KREMEN1: variants seen among roughly 807,000 people sequenced by gnomAD.
KREMEN1 encodes kremen protein 1.
KREMEN1 carries 30 observed loss-of-function variants against 46.5 expected under a neutral mutation model. The ratio of observed to expected loss-of-function variants is 0.65; its 90% CI spans 0.48 to 0.88. KREMEN1 has a LOEUF of 0.88. Among genes scored for constraint, KREMEN1 ranks in the 40% least tolerant of loss-of-function variants. KREMEN1 has a pLI of 0.00. For synonymous variants in KREMEN1, 214 were observed against 230.6 expected, an observed-to-expected ratio of 0.93 and a Z score of 0.65; for missense variants, 533 against 596.9, an observed-to-expected ratio of 0.89 and a Z score of 1.11.
intron 9 of KREMEN1, among the ~76,000 whole-genome samples, chr22:29,158,450 G>A (rs2038983051): frequency 1.3e-5 from 2 of 152,134 alleles, no homozygotes; most frequent in East Asian, 3.8e-4. Context: ...TGGGGCACGG[G>A]GAATTCTAGG....
At chr22:29,141,880 C>G in intron 8 of KREMEN1, 64 bp from the exon 9 acceptor site, 1 of 1,311,882 alleles carries the variant, frequency 7.6e-7, no homozygotes. Flanking sequence ...TACAGTATCT[C>G]GTGAGATGGT....
At chr22:29,165,125 G>A (rs948316479) in intron 9 of KREMEN1, among the ~76,000 whole-genome samples, 10 of 151,396 alleles carry the variant, frequency 6.6e-5, no homozygotes, top group African/African-American at 2.4e-4. Context: ...GTGAGCCGAG[G>A]TTGTGCCATT....
At chr22:29,135,782 T>A (rs559872059) in intron 5 of KREMEN1, among the ~76,000 whole-genome samples, 3 of 152,324 alleles carry the variant, frequency 2.0e-5, no homozygotes, top group African/African-American at 7.2e-5. Context: ...CCTCCTGTGT[T>A]CTCTCAAAGA....
rs558596635 is a variant in KREMEN1 at position 29,105,874 on chromosome 22, A to G, written c.352+6921A>G. Among the ~76,000 whole-genome samples, 100 of 152,238 alleles carry G rather than the reference A, an allele frequency of 6.6e-4. No individual in the cohort carries two copies. The South Asian group carries it at 0.02, about 31-fold the overall frequency. ...AACCTTAGGTCCATCTCAGCTGGTG[A>G]CCTCACCAGCTCAGGTTTCTTTTAA... On this transcript the variant is annotated intron_variant, in intron 3 of 8. Transcript: ENST00000400335.
chr22:29,111,351 G>A (rs1175583435), intron 3 of KREMEN1, among the ~76,000 whole-genome samples: 1 of 149,864 alleles, frequency 6.7e-6, no homozygotes, highest in African/African-American at 2.5e-5. Context: ...GGTGGCTCAC[G>A]CCTGTAATCC....
intron 9 of KREMEN1, among the ~76,000 whole-genome samples, chr22:29,162,868 C>CA (rs1347991829): frequency 2.0e-5 from 3 of 152,120 alleles, no homozygotes; most frequent in Non-Finnish European, 4.4e-5. Flanking sequence ...AGGTGCCCAT[C>CA]AATGGTGGAT....
intron 3 of KREMEN1, among the ~76,000 whole-genome samples, chr22:29,111,383 C>T (rs193207038): frequency 0.01 from 1,539 of 151,076 alleles, 20 homozygotes; most frequent in African/African-American, 0.034. Context: ...GAGGCCGAGG[C>T]GGGCGGATCA....
chr22:29,129,296 G>A (rs1258242367), intron 5 of KREMEN1, among the ~76,000 whole-genome samples: 5 of 150,298 alleles, frequency 3.3e-5, no homozygotes, highest in African/African-American at 4.9e-5. Context: ...GCAGTGAGCC[G>A]AGATCACACC....
rs556926247 is a variant in KREMEN1 at position 29,106,577 on chromosome 22, T to C, written c.352+7624T>C. 2.6e-5 allele frequency among the ~76,000 whole-genome samples: 4 copies of C among 152,248 alleles called. No homozygotes were observed. In the East Asian group the frequency reaches 5.8e-4, roughly 22 times the overall value. On this transcript the variant is annotated intron_variant, in intron 3 of 8. Coordinates refer to ENST00000400335, the MANE Select transcript of KREMEN1 (RefSeq NM_001039570.3). The stretch of plus-strand genomic sequence containing the variant: ...GCCTCCATTTCTCAGATAAGAAAAT[T>C]GAGCCCAGATAGTTAAGTGATTTGA...
chr22:29,130,299 A>T (rs1283531239), intron 5 of KREMEN1, among the ~76,000 whole-genome samples: 1 of 152,286 alleles, frequency 6.6e-6, no homozygotes, highest in East Asian at 1.9e-4. Context: ...TGTGAAAGTG[A>T]TTGGTCTAAG....
At chr22:29,139,044 C>G (rs768955923) in intron 7 of KREMEN1, among the ~76,000 whole-genome samples, 2 of 152,180 alleles carry the variant, frequency 1.3e-5, no homozygotes, top group East Asian at 1.9e-4. Context: ...CAGCTAATCC[C>G]GTATTTTCCC....
At position 29,144,378 on chromosome 22, in the gene KREMEN1, C is replaced by T. The variant is rs59762117; in HGVS notation, c.*2266C>T. The T allele has an allele frequency of 7.6e-4, 752 of 986,020 alleles. No individual in the cohort carries two copies. The African/African-American group carries it at 9.3e-3, about 12-fold the overall frequency. The allele number at this position is 986,020 out of a possible 1,614,324, so 61.1% of individuals were successfully genotyped here. A position where few individuals can be genotyped will look rare whatever the true frequency, so the allele number is the denominator to read the frequency against. On this transcript the variant is annotated 3_prime_UTR_variant, in exon 9 of 9. Coordinates refer to ENST00000400335, the MANE Select transcript of KREMEN1 (RefSeq NM_001039570.3). ...CAGAGGGGCCTTCAGAGGAGGGAAA[C>T]GGAGCAATGTGTCACAGGCAGGCAG...
intron 3 of KREMEN1, among the ~76,000 whole-genome samples, chr22:29,119,157 G>A (rs1267414227): frequency 6.6e-6 from 1 of 152,038 alleles, no homozygotes; most frequent in Non-Finnish European, 1.5e-5. Context: ...AAACCAGCCT[G>A]AGCAACATAG....
intron 9 of KREMEN1, among the ~76,000 whole-genome samples, chr22:29,151,981 G>A (rs1018813476): frequency 1.4e-5 from 2 of 146,942 alleles, no homozygotes; most frequent in East Asian, 2.0e-4. Flanking sequence ...TTGCACTCCA[G>A]CCTGGGAGAC....
At chr22:29,078,259 A>AAAAC (rs770983336) in intron 1 of KREMEN1, among the ~76,000 whole-genome samples, 16 of 152,252 alleles carry the variant, frequency 1.1e-4, no homozygotes, top group African/African-American at 1.7e-4. Context: ...CCCTGTCTCA[A>AAAAC]AAACAAACAA....
Position 29,125,339 on chromosome 22 carries a change from G to C in KREMEN1, c.554G>C (p.Ser185Thr). 6.2e-7 allele frequency: 1 copy of C among 1,614,208 alleles called. No individual in the cohort carries two copies. Among genetic ancestry groups the C allele is most frequent in the Non-Finnish European group, 8.5e-7 (1 of 1,180,036 alleles). Reference protein sequence around the residue: ...PDYWKYGEAASTECNSVCFGD... With the variant: ...PDYWKYGEAATTECNSVCFGD... Reference sequence around the variant, plus strand: ...TACTGGAAGTACGGGGAGGCAGCCAGTACCGAATGCAACAGCGTCTGCTTC... The same window carrying C: ...TACTGGAAGTACGGGGAGGCAGCCACTACCGAATGCAACAGCGTCTGCTTC... The change falls in exon 5 of 9, where the codon AGT becomes ACT. Residue 185 changes from serine (S) to threonine (T), a missense_variant. Physicochemically the swap from Ser to Thr is moderately conservative, Grantham distance 58. Transcript: ENST00000400335.
At chr22:29,106,030 CTG>C (rs2038054333) in intron 3 of KREMEN1, among the ~76,000 whole-genome samples, 1 of 152,178 alleles carries the variant, frequency 6.6e-6, no homozygotes, top group South Asian at 2.1e-4. Flanking sequence ...GTTTTTAAAA[CTG>C]TGTTTAGAGT....
At chr22:29,104,818 T>C (rs1298648230) in intron 3 of KREMEN1, among the ~76,000 whole-genome samples, 2 of 152,128 alleles carry the variant, frequency 1.3e-5, no homozygotes, top group Non-Finnish European at 2.9e-5. Flanking sequence ...CACTTGAACC[T>C]GGGAAGCAGC....
At chr22:29,099,244 C>T (rs1006619374) in intron 3 of KREMEN1, 14 of 282,154 alleles carry the variant, frequency 5.0e-5, no homozygotes, top group South Asian at 3.8e-4. Context: ...AGAGGGCAAC[C>T]GCTCAGAAGC....
Sources: allele counts gnomAD v4.1 joint callset (sites outside exome capture counted in the v4.1 genomes callset), GRCh38; gene constraint gnomAD v4.1.1; transcripts MANE v1.5; gene names NCBI Gene and HGNC (gene_info 2026-07-23, HGNC 2026-07-21).